The following TMEM132D variants were observed in gnomAD, a reference collection of about 807,000 sequenced individuals.
TMEM132D encodes the protein mature OL transmembrane protein.
A neutral mutation model predicts 62.3 loss-of-function variants in TMEM132D; 21 were observed. The observed-to-expected ratio is 0.34, with a 90% CI of 0.24 to 0.49. The LOEUF is 0.49. Among genes scored for constraint, TMEM132D ranks in the 20% least tolerant of loss-of-function variants. TMEM132D has a pLI of 0.99. For synonymous variants in TMEM132D, 621 were observed against 575.6 expected (o/e 1.08, Z -1.13); for missense variants, 1,346 against 1,402.8 (o/e 0.96, Z 0.65).
At chr12:129,655,649 C>T (rs1443807139) in intron 2 of TMEM132D, among the ~76,000 whole-genome samples, 1 of 151,966 alleles carries the variant, frequency 6.6e-6, no homozygotes, top group Non-Finnish European at 1.5e-5. Context: ...GGTGACTCCA[C>T]AAAACCACAA....
At chr12:129,683,033 C>T (rs1880823951) in intron 2 of TMEM132D, 1 of 151,912 alleles carries the variant, frequency 6.6e-6, no homozygotes, top group Non-Finnish European at 1.5e-5. Flanking sequence ...TGGCAGCGTG[C>T]TTTATTCACT....
chr12:129,674,730 G>C (rs1880587891), intron 2 of TMEM132D, among the ~76,000 whole-genome samples: 1 of 152,022 alleles, frequency 6.6e-6, no homozygotes, highest in African/African-American at 2.4e-5. Context: ...TAGTACAGAT[G>C]GGGTTTCACT....
chr12:129,420,311 T>TTTTTTTTTTG, intron 3 of TMEM132D, among the ~76,000 whole-genome samples: 1 of 40,306 alleles, frequency 2.5e-5, no homozygotes. Flanking sequence ...TCTCTGTTTT[T>TTTTTTTTTTG]TTTTTTTTTT....
chr12:129,714,976 A>G (rs1470499250), intron 1 of TMEM132D, among the ~76,000 whole-genome samples: 1 of 152,156 alleles, frequency 6.6e-6, no homozygotes, highest in Non-Finnish European at 1.5e-5. Flanking sequence ...CCTCACCCCC[A>G]TCAGGCAATC....
chr12:129,672,599 T>C (rs1272545865), intron 2 of TMEM132D, among the ~76,000 whole-genome samples: 4 of 152,220 alleles, frequency 2.6e-5, no homozygotes, highest in African/African-American at 7.2e-5. Context: ...GAGGATGCAC[T>C]GGTGCAAGGT....
chr12:129,524,832 C>T (rs1298417948), intron 3 of TMEM132D, among the ~76,000 whole-genome samples: 2 of 151,162 alleles, frequency 1.3e-5, no homozygotes, highest in African/African-American at 4.9e-5. Flanking sequence ...TCCAGCCTAG[C>T]GACAGAGTGA....
At chr12:129,900,461 G>A (rs12302512) in intron 1 of TMEM132D, among the ~76,000 whole-genome samples, 7,849 of 152,284 alleles carry the variant, frequency 0.052, 296 homozygotes, top group Non-Finnish European at 0.079. Flanking sequence ...CCTAGGCACA[G>A]GGAGCACGAC....
chr12:129,690,200 T>G (rs1436017412), intron 2 of TMEM132D, among the ~76,000 whole-genome samples: 1 of 152,008 alleles, frequency 6.6e-6, no homozygotes, highest in Non-Finnish European at 1.5e-5. Context: ...GAGAAACAAT[T>G]AATATTTTAA....
chr12:129,776,518 C>G (rs1408410721), intron 1 of TMEM132D, among the ~76,000 whole-genome samples: 1 of 152,018 alleles, frequency 6.6e-6, no homozygotes, highest in African/African-American at 2.4e-5. Context: ...CAGTGGTTGA[C>G]TACTAGTAAA....
chr12:129,656,272 A>C (rs1402684348), intron 2 of TMEM132D, among the ~76,000 whole-genome samples: 1 of 151,786 alleles, frequency 6.6e-6, no homozygotes, highest in Non-Finnish European at 1.5e-5. Context: ...GGAGAAAAGG[A>C]AAGAATGAAA....
chr12:129,695,314 T>C (rs1881178535), intron 2 of TMEM132D, among the ~76,000 whole-genome samples: 1 of 152,154 alleles, frequency 6.6e-6, no homozygotes, highest in Non-Finnish European at 1.5e-5. Context: ...TATTGGTGAA[T>C]TGGGACAAAT....
At chr12:129,253,238 T>C (rs1880316860) in intron 4 of TMEM132D, among the ~76,000 whole-genome samples, 1 of 145,214 alleles carries the variant, frequency 6.9e-6, no homozygotes, top group Non-Finnish European at 1.5e-5. Context: ...AATGTGATAA[T>C]TGAAAAAAAA....
chr12:129,424,807 A>T (rs1440508142), intron 3 of TMEM132D, among the ~76,000 whole-genome samples: 2 of 151,660 alleles, frequency 1.3e-5, no homozygotes, highest in Non-Finnish European at 2.9e-5. Context: ...ATTGAGACAT[A>T]TTTAGAACAT....
chr12:129,627,964 G>A (rs1388689680), intron 2 of TMEM132D, among the ~76,000 whole-genome samples: 1 of 152,194 alleles, frequency 6.6e-6, no homozygotes, highest in African/African-American at 2.4e-5. Context: ...TCCAGCCTGC[G>A]TGACAAAGTG....
At chr12:129,187,832 C>T (rs573532734) in intron 5 of TMEM132D, among the ~76,000 whole-genome samples, 12 of 152,342 alleles carry the variant, frequency 7.9e-5, no homozygotes, top group South Asian at 2.1e-4. Flanking sequence ...TCCACTCTTA[C>T]GAAGTCGTAT....
chr12:129,474,911 G>A (rs1394099787), intron 3 of TMEM132D, among the ~76,000 whole-genome samples: 2 of 152,192 alleles, frequency 1.3e-5, no homozygotes, highest in African/African-American at 2.4e-5. Flanking sequence ...ATGCACAGAA[G>A]GCTGGGGCTT....
At chr12:129,379,347 A>G (rs1870871727) in intron 3 of TMEM132D, among the ~76,000 whole-genome samples, 2 of 152,184 alleles carry the variant, frequency 1.3e-5, no homozygotes, top group Non-Finnish European at 2.9e-5. Context: ...CTAATGAACT[A>G]TGAATAAATG....
intron 3 of TMEM132D, among the ~76,000 whole-genome samples, chr12:129,376,454 A>G (rs1360780990): frequency 6.6e-6 from 1 of 152,156 alleles, no homozygotes; most frequent in Non-Finnish European, 1.5e-5. Context: ...AACAGCAGGG[A>G]GGTAGCTGCT....
chr12:129,248,552 C>T (rs555652128), intron 4 of TMEM132D, among the ~76,000 whole-genome samples: 1 of 150,432 alleles, frequency 6.6e-6, no homozygotes, highest in East Asian at 1.9e-4. Flanking sequence ...AGAGTACTCA[C>T]TTAAAATTTT....
Sources: gnomAD v4.1 joint callset for allele counts (sites outside exome capture counted in the v4.1 genomes callset) on GRCh38, gnomAD v4.1.1 for gene constraint, MANE v1.5 for transcripts, NCBI Gene and HGNC (gene_info 2026-07-23, HGNC 2026-07-21) for gene names.